The following SINHCAF variants were observed in gnomAD, a reference collection of about 807,000 sequenced individuals.
SINHCAF encodes SIN3-HDAC complex associated factor, also known as SIN3-HDAC complex-associated factor.
In SINHCAF, 3 loss-of-function variants were observed where a neutral mutation model predicts 25.8. The observed-to-expected ratio is 0.12, with a 90% CI of 0.05 to 0.30. SINHCAF has a LOEUF of 0.30. SINHCAF is among the 10% of genes least tolerant of loss of function. SINHCAF has a pLI of 1.00. For synonymous variants in SINHCAF, 70 were observed against 85.5 expected, an observed-to-expected ratio of 0.82 and a Z score of 1.00; for missense variants, 121 against 262.3, an observed-to-expected ratio of 0.46 and a Z score of 3.72.
At chr12:31,290,907 C>A (rs1352358046) in intron 4 of SINHCAF, among the ~76,000 whole-genome samples, 4 of 152,026 alleles carry the variant, frequency 2.6e-5, no homozygotes, top group Non-Finnish European at 4.4e-5. Flanking sequence ...TTAGTAGACA[C>A]GGGGTTTCTC....
chr12:31,290,121 G>C (rs988640649), intron 4 of SINHCAF, among the ~76,000 whole-genome samples: 1 of 151,364 alleles, frequency 6.6e-6, no homozygotes, highest in Admixed American at 6.6e-5. Context: ...GTCACACCTA[G>C]CCAAGAAAAT....
chr12:31,313,062 T>A (rs1939341867), intron 1 of SINHCAF, among the ~76,000 whole-genome samples: 1 of 152,212 alleles, frequency 6.6e-6, no homozygotes, highest in Non-Finnish European at 1.5e-5. Flanking sequence ...TTTGCTCTCG[T>A]TGCCCAGGCT....
At chr12:31,298,544 C>T (rs977758812) in intron 1 of SINHCAF, 4 of 312,922 alleles carry the variant, frequency 1.3e-5, no homozygotes, top group Non-Finnish European at 2.5e-5. Flanking sequence ...CACAAACAAT[C>T]CTGTAAAATA....
chr12:31,323,463 T>C (rs762043517), intron 1 of SINHCAF, among the ~76,000 whole-genome samples: 2 of 151,998 alleles, frequency 1.3e-5, no homozygotes, highest in Admixed American at 6.6e-5. Context: ...TAGGACAACT[T>C]AAGAAGGGGG....
At chr12:31,289,620 G>A (rs952537845) in intron 4 of SINHCAF, among the ~76,000 whole-genome samples, 4 of 152,166 alleles carry the variant, frequency 2.6e-5, no homozygotes, top group Admixed American at 6.5e-5. Flanking sequence ...CACAGCAAGA[G>A]CAGTATCATA....
intron 1 of SINHCAF, chr12:31,312,030 G>C: frequency 1.6e-6 from 1 of 622,916 alleles, no homozygotes. Context: ...AGTAACTTTT[G>C]ATCAGAAAGA....
intron 4 of SINHCAF, among the ~76,000 whole-genome samples, chr12:31,289,198 T>C (rs145834087): frequency 4.5e-4 from 68 of 152,198 alleles, no homozygotes; most frequent in African/African-American, 1.6e-3. Context: ...ATTCATGTCA[T>C]TGCAGTCCTG....
intron 1 of SINHCAF, among the ~76,000 whole-genome samples, chr12:31,314,300 G>GATC (rs1202716373): frequency 1.3e-5 from 2 of 151,414 alleles, no homozygotes; most frequent in African/African-American, 4.8e-5. Context: ...CGAGGCGGGC[G>GATC]GATCACGAGG....
At chr12:31,296,890 C>T in intron 2 of SINHCAF, 1 of 327,042 alleles carries the variant, frequency 3.1e-6, no homozygotes, top group Non-Finnish European at 6.1e-6. Flanking sequence ...GATTATATTG[C>T]TGAGTAAGGT....
intron 1 of SINHCAF, among the ~76,000 whole-genome samples, chr12:31,313,773 CA>C (rs1165301285): frequency 6.6e-6 from 1 of 152,082 alleles, no homozygotes; most frequent in Non-Finnish European, 1.5e-5. Flanking sequence ...CTCAGCCTCC[CA>C]AGTAGCTGGG....
Position 31,325,485 on chromosome 12 carries a change from G to A in SINHCAF, c.-21+539C>T. The A allele has an allele frequency of 2.9e-6, 1 of 345,710 alleles. No homozygotes were observed. The highest frequency in any genetic ancestry group is 5.8e-6 in the Non-Finnish European group (1 of 173,882). 21.4% of individuals were successfully genotyped at this position (345,710 alleles called of 1,614,324 possible). On this transcript the variant is annotated intron_variant, in intron 1 of 5. Transcript: ENST00000337682. This position sits in a 1 kb window ranked among gnomAD's most constrained non-coding sequence, Gnocchi z 5.9. Reference sequence around the variant, plus strand: ...AAGCGGATGGCAACTTAGTTTCCGAGCGAATGGCGTTTATTGTCCACCCTA... The same window carrying A: ...AAGCGGATGGCAACTTAGTTTCCGAACGAATGGCGTTTATTGTCCACCCTA...
At chr12:31,320,954 C>T (rs1304577480) in intron 1 of SINHCAF, among the ~76,000 whole-genome samples, 1 of 152,094 alleles carries the variant, frequency 6.6e-6, no homozygotes, top group Admixed American at 6.5e-5. Context: ...AGGTGGAAAA[C>T]AACTAAATAC....
rs1393934866 is a variant in SINHCAF, at chr12:31,282,632, A to G, written c.*80T>C. The G allele has an allele frequency of 4.7e-6, 6 of 1,275,204 alleles. No individual in the cohort carries two copies. The highest frequency in any genetic ancestry group is 6.4e-6 in the Non-Finnish European group (6 of 933,104). 79.0% of individuals were successfully genotyped at this position (1,275,204 alleles called of 1,614,324 possible). A position where few individuals can be genotyped will look rare whatever the true frequency, so the allele number is the denominator to read the frequency against. On this transcript the variant is annotated 3_prime_UTR_variant, in exon 6 of 6. Transcript: ENST00000337682. ...AGCAAAACTCCGTCTCAAAAAAAAA[A>G]GAGGGTCAGTTTGTAGCTTTGTGGT...
intron 1 of SINHCAF, among the ~76,000 whole-genome samples, chr12:31,314,811 C>G (rs1488020235): frequency 6.6e-6 from 1 of 152,140 alleles, no homozygotes; most frequent in East Asian, 1.9e-4. Context: ...TGCATTTAGG[C>G]CATTGTGATG....
intron 1 of SINHCAF, among the ~76,000 whole-genome samples, chr12:31,319,337 G>C (rs1391181703): frequency 6.6e-6 from 1 of 152,186 alleles, no homozygotes; most frequent in East Asian, 1.9e-4. Context: ...GACCAGTCTG[G>C]CTAACATGGT....
Position 31,323,240 on chromosome 12 carries a change from G to A in SINHCAF, c.-21+2784C>T, listed in dbSNP as rs995592600. On this transcript the variant is annotated intron_variant, in intron 1 of 5. Coordinates refer to ENST00000337682, the MANE Select transcript of SINHCAF (RefSeq NM_001135812.2). ...TATATAAATACTTTAAATGCCATGA[G>A]GGTTTTCTCCGAAACTCCACCAGAA... Among the ~76,000 whole-genome samples, 7 of 152,090 alleles carry A rather than the reference G, an allele frequency of 4.6e-5. No individual in the cohort carries two copies. The East Asian group carries it at 1.2e-3, about 25-fold the overall frequency.
intron 1 of SINHCAF, among the ~76,000 whole-genome samples, chr12:31,315,358 G>GT (rs1381199914): frequency 1.3e-5 from 2 of 152,166 alleles, no homozygotes; most frequent in South Asian, 2.1e-4. Context: ...TTTACAACCA[G>GT]TATCTGTCAG....
intron 4 of SINHCAF, 113 bp from the exon 5 acceptor site, chr12:31,287,897 A>C (rs1161511791): frequency 1.0e-5 from 7 of 683,334 alleles, no homozygotes; most frequent in African/African-American, 1.8e-5. Flanking sequence ...AAAAGTAAAA[A>C]ATAATTCATT....
intron 1 of SINHCAF, among the ~76,000 whole-genome samples, chr12:31,316,610 GAATAT>G (rs1299489589): frequency 3.3e-5 from 5 of 152,070 alleles, no homozygotes; most frequent in African/African-American, 9.7e-5. Flanking sequence ...TAAGTTTACT[GAATAT>G]AATAATATAC....
Sources: gnomAD v4.1 joint callset for allele counts (sites outside exome capture counted in the v4.1 genomes callset) on GRCh38, gnomAD v4.1.1 for gene constraint, Gnocchi (gnomAD v3.1) non-coding constraint, MANE v1.5 for transcripts, NCBI Gene and HGNC (gene_info 2026-07-23, HGNC 2026-07-21) for gene names.